Variants in SLC25A12 observed in about 807,000 individuals in gnomAD.
SLC25A12 encodes the protein electrogenic aspartate/glutamate antiporter SLC25A12, mitochondrial.
A neutral mutation model predicts 83.3 loss-of-function variants in SLC25A12; 32 were observed. That is an observed-to-expected ratio of 0.38 (90% confidence interval 0.29 to 0.52). The LOEUF (loss-of-function observed/expected upper bound fraction) is 0.52. Among genes scored for constraint, SLC25A12 ranks in the 20% least tolerant of loss-of-function variants. The pLI is 0.84. For missense variants in SLC25A12, 611 were observed against 835.6 expected (o/e 0.73, Z 3.31); for synonymous variants, 267 against 291.1 (o/e 0.92, Z 0.84).
In SLC25A12 at chr2:171,784,611, T is replaced by C. The variant is rs1368363020; in HGVS notation, c.*663A>G. 2 of 158,688 alleles carry C rather than the reference T, an allele frequency of 1.3e-5. No homozygotes were observed. The highest frequency in any genetic ancestry group is 2.8e-5 in the Non-Finnish European group (2 of 71,724). 9.8% of individuals were successfully genotyped at this position (158,688 alleles called of 1,614,324 possible). A position where few individuals can be genotyped will look rare whatever the true frequency, so the allele number is the denominator to read the frequency against. On this transcript the variant is annotated 3_prime_UTR_variant, in exon 18 of 18. Coordinates refer to ENST00000422440, the MANE Select transcript of SLC25A12 (RefSeq NM_003705.5). The stretch of plus-strand genomic sequence containing the variant: ...AGGGTCTACACACATTAAATACAAA[T>C]GGAAACACATCAGCACACACAAGTC...
At chr2:171,819,755 C>T (rs1684144792) in intron 9 of SLC25A12, among the ~76,000 whole-genome samples, 1 of 151,990 alleles carries the variant, frequency 6.6e-6, no homozygotes, top group Admixed American at 6.6e-5. Flanking sequence ...ACAGTAATGT[C>T]TTCCTATATG....
chr2:171,841,379 CTGTT>C (rs1346498181), intron 5 of SLC25A12, among the ~76,000 whole-genome samples: 1 of 151,734 alleles, frequency 6.6e-6, no homozygotes, highest in Admixed American at 6.6e-5. Context: ...AACACCCAGA[CTGTT>C]TGTTTTTTGA....
chr2:171,894,174 T>C, intron 1 of SLC25A12, 29 bp downstream of exon 1: 1 of 1,604,828 alleles, frequency 6.2e-7, no homozygotes, highest in Non-Finnish European at 8.5e-7. Context: ...TCTTATGCAA[T>C]AAAAGCAGCA....
At chr2:171,875,969 A>C (rs1479887090) in intron 2 of SLC25A12, among the ~76,000 whole-genome samples, 1 of 151,972 alleles carries the variant, frequency 6.6e-6, no homozygotes, top group African/African-American at 2.4e-5. Flanking sequence ...AACATTTAAA[A>C]ATTTTTAAAG....
intron 5 of SLC25A12, among the ~76,000 whole-genome samples, chr2:171,840,602 A>G (rs933658832): frequency 6.6e-6 from 1 of 152,124 alleles, no homozygotes; most frequent in African/African-American, 2.4e-5. Context: ...AACCAAAAAG[A>G]GTTCCTGAAA....
intron 13 of SLC25A12, among the ~76,000 whole-genome samples, chr2:171,794,855 A>G (rs1191463671): frequency 6.6e-6 from 1 of 152,182 alleles, no homozygotes; most frequent in Non-Finnish European, 1.5e-5. Flanking sequence ...AATCTGGGGC[A>G]CTGTAATTCC....
intron 4 of SLC25A12, among the ~76,000 whole-genome samples, chr2:171,845,555 C>G (rs924177746): frequency 2.0e-5 from 3 of 152,170 alleles, no homozygotes; most frequent in African/African-American, 7.2e-5. Flanking sequence ...GTTTTATAAT[C>G]TCCAACTATG....
intron 4 of SLC25A12, among the ~76,000 whole-genome samples, chr2:171,847,782 G>A (rs919959996): frequency 6.6e-6 from 1 of 152,198 alleles, no homozygotes. Context: ...TTCCTGCAGA[G>A]CATGGGCTTA....
intron 6 of SLC25A12, among the ~76,000 whole-genome samples, chr2:171,835,189 C>CAA (rs1032230413): frequency 6.6e-6 from 1 of 152,236 alleles, no homozygotes; most frequent in Admixed American, 6.5e-5. Context: ...TCAAGACCCT[C>CAA]AACTGTGAAA....
intron 2 of SLC25A12, among the ~76,000 whole-genome samples, chr2:171,880,865 A>G (rs1685679168): frequency 6.6e-6 from 1 of 152,238 alleles, no homozygotes; most frequent in Non-Finnish European, 1.5e-5. Flanking sequence ...ATCTCCAAAT[A>G]ATATTAAGTA....
intron 8 of SLC25A12, among the ~76,000 whole-genome samples, chr2:171,833,603 T>C (rs1684493514): frequency 6.6e-6 from 1 of 152,140 alleles, no homozygotes; most frequent in Non-Finnish European, 1.5e-5. Flanking sequence ...ATCACAACCC[T>C]TCTCTTCTCT....
At chr2:171,875,488 A>G (rs890592450) in intron 2 of SLC25A12, among the ~76,000 whole-genome samples, 1 of 152,108 alleles carries the variant, frequency 6.6e-6, no homozygotes, top group Admixed American at 6.6e-5. Flanking sequence ...GATACTGGGG[A>G]CTATTAGAGC....
At chr2:171,813,610 C>T in intron 10 of SLC25A12, 113 bp from the exon 11 acceptor site, 1 of 1,158,892 alleles carries the variant, frequency 8.6e-7, no homozygotes, top group Non-Finnish European at 1.3e-6. Flanking sequence ...CATGTATTCT[C>T]ACAAAAGAGA....
chr2:171,829,978 C>A (rs1684396119), intron 8 of SLC25A12, among the ~76,000 whole-genome samples: 1 of 152,190 alleles, frequency 6.6e-6, no homozygotes, highest in South Asian at 2.1e-4. Flanking sequence ...AAGGGAATAA[C>A]TAAGGCAGTA....
chr2:171,849,445 C>G (rs1334799352), intron 4 of SLC25A12, among the ~76,000 whole-genome samples: 1 of 151,368 alleles, frequency 6.6e-6, no homozygotes, highest in Non-Finnish European at 1.5e-5. Flanking sequence ...TTTGAATACT[C>G]AGGTGAAGCT....
rs909250326 is a variant in SLC25A12, at chr2:171,843,504, A to G, written c.465+865T>C. The stretch of plus-strand genomic sequence containing the variant: ...AAAAATTAGCCAGGTGTGGTGGCAC[A>G]CTCCTGTAATCCCAGCTAGTTGAGT... On this transcript the variant is annotated intron_variant, in intron 5 of 17. Coordinates refer to ENST00000422440, the MANE Select transcript of SLC25A12 (RefSeq NM_003705.5). 2.6e-5 allele frequency among the ~76,000 whole-genome samples: 4 copies of G among 151,846 alleles called. No homozygotes were observed. The East Asian group carries it at 5.9e-4, about 22-fold the overall frequency.
At chr2:171,846,509 T>C (rs1684800550) in intron 4 of SLC25A12, among the ~76,000 whole-genome samples, 1 of 152,034 alleles carries the variant, frequency 6.6e-6, no homozygotes, top group South Asian at 2.1e-4. Flanking sequence ...AATTCAATTA[T>C]CTATAAAAAT....
At chr2:171,889,141 G>T (rs1321045941) in intron 2 of SLC25A12, among the ~76,000 whole-genome samples, 1 of 152,030 alleles carries the variant, frequency 6.6e-6, no homozygotes, top group Non-Finnish European at 1.5e-5. Flanking sequence ...CTGATCCTCT[G>T]CCTTGCTTTA....
intron 13 of SLC25A12, 95 bp downstream of exon 13, chr2:171,809,511 G>A: frequency 1.1e-6 from 1 of 949,966 alleles, no homozygotes; most frequent in Admixed American, 1.7e-5. Context: ...AATCCCTTGA[G>A]TTCAAGAGAA....
Sources: gnomAD v4.1 joint callset for allele counts (sites outside exome capture counted in the v4.1 genomes callset) on GRCh38, gnomAD v4.1.1 for gene constraint, MANE v1.5 for transcripts, NCBI Gene and HGNC (gene_info 2026-07-23, HGNC 2026-07-21) for gene names.